The following MAGI2 variants were observed in gnomAD, a reference collection of about 807,000 sequenced individuals.
MAGI2 encodes membrane associated guanylate kinase, WW and PDZ domain containing 2.
Under a neutral mutation model 133.3 loss-of-function variants are expected in MAGI2, and 35 were observed. The ratio of observed to expected loss-of-function variants is 0.26; its 90% CI spans 0.20 to 0.35. MAGI2 has a LOEUF of 0.35. Ranked by LOEUF, MAGI2 falls within the 10% of genes least tolerant of loss-of-function variation. The pLI is 1.00. For synonymous variants in MAGI2, 729 were observed against 710.6 expected (o/e 1.03, Z -0.41); for missense variants, 1,636 against 1,863.4 (o/e 0.88, Z 2.25).
intron 3 of MAGI2, among the ~76,000 whole-genome samples, chr7:78,564,995 G>A (rs147506628): frequency 0.014 from 2,192 of 151,420 alleles, 50 homozygotes; most frequent in African/African-American, 0.047. Context: ...GGGTTTCATC[G>A]TGTTAGCCAG....
chr7:78,180,859 T>A (rs7803313), intron 13 of MAGI2, among the ~76,000 whole-genome samples: 42,138 of 151,298 alleles, frequency 0.28, 6,413 homozygotes, highest in South Asian at 0.36. Flanking sequence ...GGGTCTGGAC[T>A]ATTTTACAGA....
At chr7:79,365,612 C>A (rs1012774412) in intron 1 of MAGI2, among the ~76,000 whole-genome samples, 1 of 151,856 alleles carries the variant, frequency 6.6e-6, no homozygotes, top group South Asian at 2.1e-4. Flanking sequence ...AATCCTAGCA[C>A]TTTGGGGGGC....
At chr7:78,462,269 A>T (rs151209480) in intron 6 of MAGI2, among the ~76,000 whole-genome samples, 1 of 152,186 alleles carries the variant, frequency 6.6e-6, no homozygotes, top group Non-Finnish European at 1.5e-5. Context: ...TCAGACAAAA[A>T]CCAGTATACA....
At chr7:78,824,882 C>T (rs1337654293) in intron 2 of MAGI2, among the ~76,000 whole-genome samples, 1 of 152,152 alleles carries the variant, frequency 6.6e-6, no homozygotes, top group Non-Finnish European at 1.5e-5. Context: ...GAATACTATG[C>T]AGCCATAAAA....
chr7:78,644,106 G>A (rs950478416), intron 2 of MAGI2, among the ~76,000 whole-genome samples: 1 of 151,872 alleles, frequency 6.6e-6, no homozygotes. Context: ...AAATAATAAA[G>A]GAGTCAATTC....
At chr7:78,447,376 G>A (rs1444477097) in intron 6 of MAGI2, among the ~76,000 whole-genome samples, 1 of 148,826 alleles carries the variant, frequency 6.7e-6, no homozygotes, top group Non-Finnish European at 1.5e-5. Context: ...TTTCCAGATG[G>A]CTAAAAAAAA....
intron 1 of MAGI2, among the ~76,000 whole-genome samples, chr7:79,212,879 A>G (rs1480413219): frequency 2.6e-5 from 4 of 151,954 alleles, no homozygotes; most frequent in African/African-American, 7.3e-5. Flanking sequence ...ACAGGTTTTG[A>G]GCCACTGTTT....
chr7:78,829,629 C>T (rs534935577), intron 2 of MAGI2, among the ~76,000 whole-genome samples: 1 of 152,124 alleles, frequency 6.6e-6, no homozygotes, highest in South Asian at 2.1e-4. Context: ...TGGCATCATA[C>T]AGTGAAATAA....
At chr7:78,072,629 C>A in intron 21 of MAGI2, 1 of 306,522 alleles carries the variant, frequency 3.3e-6, no homozygotes. Flanking sequence ...ATGTACTCAG[C>A]AGATAATAGC....
At chr7:79,233,986 C>G (rs1323050960) in intron 1 of MAGI2, among the ~76,000 whole-genome samples, 3 of 144,822 alleles carry the variant, frequency 2.1e-5, no homozygotes, top group African/African-American at 7.6e-5. Context: ...TTAGGGCAGG[C>G]CTGGTGGTGA....
At chr7:78,186,148 T>C (rs1268665933) in intron 12 of MAGI2, among the ~76,000 whole-genome samples, 1 of 152,188 alleles carries the variant, frequency 6.6e-6, no homozygotes, top group Non-Finnish European at 1.5e-5. Context: ...TTTCCAATTA[T>C]CTGGGTAGTT....
In MAGI2 at chr7:79,132,306, C is replaced by T. The variant is rs146731925; in HGVS notation, c.302-125100G>A. Among the ~76,000 whole-genome samples, 212 of 152,134 alleles carry T rather than the reference C, an allele frequency of 1.4e-3. 2 individuals carry two copies. The South Asian group carries it at 0.019, about 14-fold the overall frequency. ...TATTCCTAGTCCTCCTCCCACTCTCCCCCTTCTGAGTCCTTAAAGTCCATT... is the reference window on the plus strand; with the variant it reads ...TATTCCTAGTCCTCCTCCCACTCTCTCCCTTCTGAGTCCTTAAAGTCCATT... On this transcript the variant is annotated intron_variant, in intron 1 of 21. Transcript: ENST00000354212.
At chr7:78,489,686 G>T in intron 6 of MAGI2, 75 bp downstream of exon 6, 1 of 1,078,558 alleles carries the variant, frequency 9.3e-7, no homozygotes, top group South Asian at 1.3e-5. Flanking sequence ...GCCTCTTCAG[G>T]TGAGACTCTC....
intron 2 of MAGI2, among the ~76,000 whole-genome samples, chr7:78,997,194 G>A (rs938023790): frequency 1.3e-5 from 2 of 152,148 alleles, no homozygotes; most frequent in Non-Finnish European, 2.9e-5. Context: ...GATATTTGCC[G>A]ATTTTGCATG....
intron 2 of MAGI2, among the ~76,000 whole-genome samples, chr7:78,671,888 CTA>C (rs1459693272): frequency 7.9e-5 from 12 of 152,122 alleles, no homozygotes; most frequent in Non-Finnish European, 1.8e-4. Flanking sequence ...CTCTATATTT[CTA>C]TGTGATGACA....
At chr7:79,087,891 T>C (rs557500793) in intron 1 of MAGI2, among the ~76,000 whole-genome samples, 80 of 152,218 alleles carry the variant, frequency 5.3e-4, no homozygotes, top group African/African-American at 1.9e-3. Flanking sequence ...CTGTTTTGGT[T>C]ACTGTACACT....
At chr7:78,912,818 CAT>C (rs144164557) in intron 2 of MAGI2, among the ~76,000 whole-genome samples, 2,434 of 133,258 alleles carry the variant, frequency 0.018, 81 homozygotes, top group African/African-American at 0.066. Context: ...ATATATCATT[CAT>C]ATATATATAT....
chr7:79,103,623 AG>A lies in MAGI2; in HGVS notation c.302-96418del, dbSNP rs1359481555. Among the ~76,000 whole-genome samples, 16 of 152,152 alleles carry A rather than the reference AG, an allele frequency of 1.1e-4. No individual in the cohort carries two copies. In the South Asian group the frequency reaches 1.9e-3, roughly 18 times the overall value. ...TGTGGTTATATTTATAAAAACAGAGAGGACAGTGACTGCAAAGAGGCACACC... is the reference window on the plus strand; with the variant it reads ...TGTGGTTATATTTATAAAAACAGAGAGACAGTGACTGCAAAGAGGCACACC... On this transcript the variant is annotated intron_variant, in intron 1 of 21. Transcript: ENST00000354212.
At chr7:78,291,194 TAAAG>T (rs891545434) in intron 9 of MAGI2, among the ~76,000 whole-genome samples, 64 of 151,788 alleles carry the variant, frequency 4.2e-4, no homozygotes, top group Admixed American at 2.2e-3. Flanking sequence ...GCAAGACTAA[TAAAG>T]AAGAAAAGAG....
Sources: gnomAD v4.1 joint callset for allele counts (sites outside exome capture counted in the v4.1 genomes callset) on GRCh38, gnomAD v4.1.1 for gene constraint, MANE v1.5 for transcripts, NCBI Gene and HGNC (gene_info 2026-07-23, HGNC 2026-07-21) for gene names.